EML4: variants seen among roughly 807,000 people sequenced by gnomAD.
The protein encoded by EML4 is EMAP like 4.
EML4 carries 72 observed loss-of-function variants against 129.0 expected under a neutral mutation model. That is an observed-to-expected ratio of 0.56 (90% CI 0.46 to 0.68). EML4 has a LOEUF of 0.68. EML4 is among the 30% of genes least tolerant of loss of function. The pLI, the probability that EML4 is intolerant of heterozygous loss-of-function variation, is 0.00. For synonymous variants in EML4, 532 were observed against 405.0 expected (o/e 1.31, Z -3.77); for missense variants, 1,363 against 1,190.6 (o/e 1.14, Z -2.13).
At chr2:42,182,482 C>G (rs935985973) in intron 1 of EML4, among the ~76,000 whole-genome samples, 1 of 152,058 alleles carries the variant, frequency 6.6e-6, no homozygotes, top group South Asian at 2.1e-4. Context: ...ACTGACACCC[C>G]GTACTGTGCT....
Position 42,330,322 on chromosome 2 carries a change from A to C in EML4, c.*115A>C. 2.1e-6 allele frequency: 2 copies of C among 950,878 alleles called. No individual in the cohort carries two copies. The highest frequency in any genetic ancestry group is 2.8e-5 in the South Asian group (2 of 72,506). The allele number at this position is 950,878 out of a possible 1,614,324, so 58.9% of individuals were successfully genotyped here. A position where few individuals can be genotyped will look rare whatever the true frequency, so the allele number is the denominator to read the frequency against. On this transcript the variant is annotated 3_prime_UTR_variant, in exon 23 of 23. Coordinates refer to ENST00000318522, the MANE Select transcript of EML4 (RefSeq NM_019063.5). ...ACTGTTGATTGAGATTTTGGTTTCC[A>C]TGTGATTTGTTTTCTTCAATAGTCT...
intron 6 of EML4, among the ~76,000 whole-genome samples, chr2:42,274,086 T>C (rs1035379550): frequency 6.6e-6 from 1 of 152,202 alleles, no homozygotes; most frequent in African/African-American, 2.4e-5. Context: ...TGTCCTTTTG[T>C]TTAACTCTGT....
At chr2:42,232,515 A>G (rs952136065) in intron 1 of EML4, among the ~76,000 whole-genome samples, 4 of 152,220 alleles carry the variant, frequency 2.6e-5, no homozygotes, top group Non-Finnish European at 4.4e-5. Context: ...GTCAATAGCA[A>G]GAATTTGAAT....
intron 12 of EML4, 51 bp from the exon 13 acceptor site, chr2:42,295,330 C>T (rs2103678970): frequency 6.2e-7 from 1 of 1,603,528 alleles, no homozygotes; most frequent in African/African-American, 1.3e-5. Context: ...TAATAAGCAT[C>T]AAGTTGTCAT....
intron 1 of EML4, among the ~76,000 whole-genome samples, chr2:42,216,558 T>C (rs1673206152): frequency 6.6e-6 from 1 of 152,182 alleles, no homozygotes; most frequent in Non-Finnish European, 1.5e-5. Flanking sequence ...TTTTTAATTA[T>C]AAAAACAATC....
chr2:42,327,926 G>C (rs903677794), intron 21 of EML4, among the ~76,000 whole-genome samples: 5 of 152,130 alleles, frequency 3.3e-5, no homozygotes, highest in African/African-American at 1.2e-4. Flanking sequence ...TGTGCATTAG[G>C]AAAATAATCC....
At chr2:42,214,717 G>A (rs920930614) in intron 1 of EML4, among the ~76,000 whole-genome samples, 46 of 152,140 alleles carry the variant, frequency 3.0e-4, no homozygotes, top group Non-Finnish European at 1.5e-4. Context: ...CATGTCTGGT[G>A]CGTTAGCCGG....
intron 1 of EML4, chr2:42,169,996 C>T (rs886388302): frequency 1.8e-5 from 4 of 220,958 alleles, no homozygotes; most frequent in African/African-American, 2.3e-5. Flanking sequence ...GACATTTCTT[C>T]AAATCCAGGC....
chr2:42,201,950 C>G (rs1380899828), intron 1 of EML4, among the ~76,000 whole-genome samples: 1 of 151,930 alleles, frequency 6.6e-6, no homozygotes, highest in Admixed American at 6.6e-5. Context: ...GGGTGTGGTG[C>G]TGCGCACCTG....
At chr2:42,182,872 CATGTGGCCTT>C (rs1420109193) in intron 1 of EML4, among the ~76,000 whole-genome samples, 1 of 152,164 alleles carries the variant, frequency 6.6e-6, no homozygotes, top group African/African-American at 2.4e-5. Context: ...TCTGTGTCCT[CATGTGGCCTT>C]TTCTTTGTGT....
intron 1 of EML4, among the ~76,000 whole-genome samples, chr2:42,191,834 C>T (rs1671600864): frequency 6.6e-6 from 1 of 151,808 alleles, no homozygotes. Context: ...CTGAGGCGGG[C>T]GGATCACCTG....
At chr2:42,301,624 G>T (rs1489898252) in intron 14 of EML4, among the ~76,000 whole-genome samples, 1 of 151,088 alleles carries the variant, frequency 6.6e-6, no homozygotes, top group Non-Finnish European at 1.5e-5. Flanking sequence ...TAATTTGCCT[G>T]TTAAAACCAG....
chr2:42,328,835 G>GT, intron 21 of EML4, 51 bp from the exon 22 acceptor site: 2 of 1,489,004 alleles, frequency 1.3e-6, no homozygotes, highest in Non-Finnish European at 1.8e-6. Flanking sequence ...TAGCATCACA[G>GT]TTATATTTCT....
At chr2:42,281,204 C>A (rs1341470377) in intron 7 of EML4, among the ~76,000 whole-genome samples, 1 of 152,040 alleles carries the variant, frequency 6.6e-6, no homozygotes, top group African/African-American at 2.4e-5. Context: ...CCAGCCTAGT[C>A]AACATTGTGA....
At chr2:42,300,665 C>T (rs1390049977) in intron 13 of EML4, among the ~76,000 whole-genome samples, 4 of 152,176 alleles carry the variant, frequency 2.6e-5, no homozygotes, top group Admixed American at 1.3e-4. Flanking sequence ...GGGGAGTAAT[C>T]CTTGGCACAG....
At chr2:42,258,594 T>G (rs1665507443) in intron 3 of EML4, among the ~76,000 whole-genome samples, 1 of 152,048 alleles carries the variant, frequency 6.6e-6, no homozygotes, top group Non-Finnish European at 1.5e-5. Flanking sequence ...GAAACAGGGT[T>G]TCTCCATGTT....
chr2:42,315,598 G>C (rs1468949306), intron 17 of EML4, among the ~76,000 whole-genome samples: 1 of 152,178 alleles, frequency 6.6e-6, no homozygotes, highest in Admixed American at 6.5e-5. Flanking sequence ...ACCTGTCTGG[G>C]CACAGTGGCA....
At chr2:42,214,026 C>T (rs373526069) in intron 1 of EML4, among the ~76,000 whole-genome samples, 23 of 152,052 alleles carry the variant, frequency 1.5e-4, no homozygotes, top group East Asian at 3.9e-4. Context: ...TTATGGTAAA[C>T]GGTGGGTAAC....
At chr2:42,295,564 A>T (rs1667901133) in intron 13 of EML4, 48 bp downstream of exon 13, 1 of 1,548,482 alleles carries the variant, frequency 6.5e-7, no homozygotes, top group Non-Finnish European at 8.8e-7. Flanking sequence ...CTCACATAGT[A>T]CTCTTTCAGT....
Sources: gnomAD v4.1 joint callset for allele counts (sites outside exome capture counted in the v4.1 genomes callset) on GRCh38, gnomAD v4.1.1 for gene constraint, MANE v1.5 for transcripts, NCBI Gene and HGNC (gene_info 2026-07-23, HGNC 2026-07-21) for gene names.